RAB40C: variants seen among roughly 807,000 people sequenced by gnomAD.
RAB40C encodes the protein RAB40C, member RAS oncogene family.
A neutral mutation model predicts 28.1 loss-of-function variants in RAB40C; 8 were observed. That is an observed-to-expected ratio of 0.28 (90% confidence interval 0.17 to 0.51). The LOEUF (loss-of-function observed/expected upper bound fraction) is 0.51. RAB40C is among the 20% of genes least tolerant of loss of function. RAB40C has a pLI of 0.97. For synonymous variants in RAB40C, 201 were observed against 171.7 expected (o/e 1.17, Z -1.34); for missense variants, 288 against 405.9 (o/e 0.71, Z 2.50).
In RAB40C at chr16:590,333, G is replaced by C; in HGVS notation, c.42G>C (p.Leu14=). Residue 14 remains leucine (L), a synonymous_variant, in exon 1 of 6, where the codon CTG becomes CTC. Coordinates refer to ENST00000248139, the MANE Select transcript of RAB40C (RefSeq NM_021168.5). ...GTCCGGTGAAGAGCTACGACTACCT[G>C]CTCAAGTTCCTGCTGGTGGGCGACA... ...QGSPVKSYDY[L]LKFLLVGDSD... is the part of the protein sequence containing the mutation. The C allele has an allele frequency of 6.3e-7, 1 of 1,594,876 alleles. No individual in the cohort carries two copies. The highest frequency in any genetic ancestry group is 8.5e-7 in the Non-Finnish European group (1 of 1,172,580).
chr16:619,126 A>T lies in RAB40C; in HGVS notation c.264+866A>T, dbSNP rs1459602817. 1.1e-4 allele frequency among the ~76,000 whole-genome samples: 15 copies of T among 139,150 alleles called. No individual in the cohort carries two copies. In the Admixed American group the frequency reaches 1.1e-3, roughly 10 times the overall value. 91.3% of individuals were successfully genotyped at this position (139,150 alleles called of 152,430 possible). Reference sequence around the variant, plus strand: ...CAGGTCTGGCGGGGGCACTGGGGCCATGTGTGCAGTGTGTGCTCAGGTGTG... The same window carrying T: ...CAGGTCTGGCGGGGGCACTGGGGCCTTGTGTGCAGTGTGTGCTCAGGTGTG... On this transcript the variant is annotated intron_variant, in intron 3 of 5. Coordinates refer to ENST00000248139, the MANE Select transcript of RAB40C (RefSeq NM_021168.5).
intron 1 of RAB40C, among the ~76,000 whole-genome samples, chr16:615,352 G>A (rs758500004): frequency 3.9e-5 from 6 of 152,246 alleles, no homozygotes; most frequent in Admixed American, 1.3e-4. Flanking sequence ...GGGCCCGCAC[G>A]GAGAGACAGA....
intron 1 of RAB40C, among the ~76,000 whole-genome samples, chr16:599,510 C>T (rs891088895): frequency 6.6e-6 from 1 of 152,242 alleles, no homozygotes; most frequent in Non-Finnish European, 1.5e-5. Flanking sequence ...CTGCTTCTGT[C>T]GATAGGCATG....
chr16:625,063 T>A, intron 3 of RAB40C: 1 of 1,294,760 alleles, frequency 7.7e-7, no homozygotes, highest in Non-Finnish European at 1.0e-6. Flanking sequence ...CCCGGGGGGA[T>A]TCACTGATGG....
Position 626,325 on chromosome 16 carries a change from G to A in RAB40C, c.565+204G>A, listed in dbSNP as rs181245065. On this transcript the variant is annotated intron_variant, in intron 5 of 5. Coordinates refer to ENST00000248139, the MANE Select transcript of RAB40C (RefSeq NM_021168.5). Reference sequence around the variant, plus strand: ...GGCGGCAGCACTGGGGGGCACAGGAGCAGCTGATGACCCCCCCTCAGGGTG... The same window carrying A: ...GGCGGCAGCACTGGGGGGCACAGGAACAGCTGATGACCCCCCCTCAGGGTG... Among the ~76,000 whole-genome samples, 1,097 of 152,306 alleles carry A rather than the reference G, an allele frequency of 7.2e-3. 10 individuals are homozygous for A. Among genetic ancestry groups the A allele is most frequent in the African/African-American group, 0.025 (1,051 of 41,562 alleles).
At chr16:619,979 A>G (rs1275132020) in intron 3 of RAB40C, among the ~76,000 whole-genome samples, 3 of 152,228 alleles carry the variant, frequency 2.0e-5, no homozygotes, top group African/African-American at 7.2e-5. Flanking sequence ...TGGGAGCAGA[A>G]GGGCCTGCAG....
intron 1 of RAB40C, among the ~76,000 whole-genome samples, chr16:614,657 C>G (rs982194764): frequency 2.0e-5 from 3 of 151,002 alleles, no homozygotes; most frequent in Admixed American, 2.0e-4. Context: ...CGATGGTGAA[C>G]TGCCAAACTT....
Position 624,769 on chromosome 16 carries a change from C to T in RAB40C, c.265-663C>T, listed in dbSNP as rs1298730803. 11 of 985,316 alleles carry T rather than the reference C, an allele frequency of 1.1e-5. No homozygotes were observed. The Admixed American group carries it at 1.8e-4, about 17-fold the overall frequency. 61.0% of individuals were successfully genotyped at this position (985,316 alleles called of 1,614,324 possible). On this transcript the variant is annotated intron_variant, in intron 3 of 5. Transcript: ENST00000248139. Reference sequence around the variant, plus strand: ...TAGGGGAATGGGCCTGTGATGTCACCGTTTCGCCCGACAGGGCTCTGAGTG... The same window carrying T: ...TAGGGGAATGGGCCTGTGATGTCACTGTTTCGCCCGACAGGGCTCTGAGTG...
At chr16:623,937 A>C in intron 3 of RAB40C, 1 of 985,054 alleles carries the variant, frequency 1.0e-6, no homozygotes, top group Non-Finnish European at 1.2e-6. Context: ...CCCTGTTTCA[A>C]AAAAAAAGAA....
At chr16:617,013 G>A in intron 1 of RAB40C, 195 bp from the exon 2 acceptor site, 1 of 614,388 alleles carries the variant, frequency 1.6e-6, no homozygotes, top group South Asian at 1.9e-5. Context: ...CGTGGCCCGT[G>A]TGCAGAAGTG....
intron 3 of RAB40C, among the ~76,000 whole-genome samples, chr16:620,314 AC>A (rs2036684468): frequency 6.6e-6 from 1 of 151,682 alleles, no homozygotes. Context: ...AATCGCTTGA[AC>A]CCAGGAGGTG....
chr16:621,559 C>T (rs927192974), intron 3 of RAB40C, among the ~76,000 whole-genome samples: 2 of 152,240 alleles, frequency 1.3e-5, no homozygotes, highest in Non-Finnish European at 1.5e-5. Context: ...CACGTGCCGC[C>T]GAAGGCCGGG....
At chr16:627,221 G>A (rs2036856961) in intron 5 of RAB40C, 121 bp from the exon 6 acceptor site, 1 of 996,952 alleles carries the variant, frequency 1.0e-6, no homozygotes. Context: ...CAGGAGCCCA[G>A]CCTGGGAACA....
chr16:621,892 G>A (rs1048910280), intron 3 of RAB40C, among the ~76,000 whole-genome samples: 8 of 152,338 alleles, frequency 5.3e-5, no homozygotes, highest in Non-Finnish European at 8.8e-5. Context: ...AGGCACACGT[G>A]CTGCTGGCTT....
intron 1 of RAB40C, among the ~76,000 whole-genome samples, chr16:616,085 A>T (rs1222823311): frequency 6.6e-6 from 1 of 151,776 alleles, no homozygotes; most frequent in East Asian, 1.9e-4. Flanking sequence ...GTGAAACCCC[A>T]CCTCTACTAA....
In RAB40C at chr16:610,188, G is replaced by T. The variant is rs1488356039; in HGVS notation, c.143-7020G>T. On this transcript the variant is annotated intron_variant, in intron 1 of 5. Coordinates refer to ENST00000248139, the MANE Select transcript of RAB40C (RefSeq NM_021168.5). This position sits in a 1 kb window ranked among gnomAD's most constrained non-coding sequence, Gnocchi z 4.6. ...GAGGCGCCGGTGGCTTTGCTCTGGT[G>T]GCAGGACAGGTGTTCTGACCTCCCT... Among the ~76,000 whole-genome samples the T allele has an allele frequency of 6.6e-6, 1 of 152,134 alleles. No individual in the cohort carries two copies. The highest frequency in any genetic ancestry group is 1.9e-4 in the East Asian group (1 of 5,192).
intron 1 of RAB40C, among the ~76,000 whole-genome samples, chr16:592,951 G>A (rs1225313097): frequency 6.6e-6 from 1 of 152,258 alleles, no homozygotes; most frequent in African/African-American, 2.4e-5. Flanking sequence ...AGACCTGCCT[G>A]CTTGCAGAGA....
At chr16:608,959 T>C (rs543878022) in intron 1 of RAB40C, among the ~76,000 whole-genome samples, 1 of 151,828 alleles carries the variant, frequency 6.6e-6, no homozygotes, top group African/African-American at 2.4e-5. Context: ...GTACAAAAGA[T>C]ACAAAATTAG....
At chr16:615,791 G>T (rs1415169289) in intron 1 of RAB40C, among the ~76,000 whole-genome samples, 1 of 152,046 alleles carries the variant, frequency 6.6e-6, no homozygotes, top group South Asian at 2.1e-4. Flanking sequence ...GCAAAACCCC[G>T]TCTCTACTAA....
Sources: allele counts gnomAD v4.1 joint callset (sites outside exome capture counted in the v4.1 genomes callset), GRCh38; gene constraint gnomAD v4.1.1; non-coding constraint Gnocchi (gnomAD v3.1); transcripts MANE v1.5; gene names NCBI Gene and HGNC (gene_info 2026-07-23, HGNC 2026-07-21).